Variants in ENDOV observed in about 807,000 individuals in gnomAD.
ENDOV encodes the protein endonuclease V, also known as hEndoV.
In ENDOV, 37 loss-of-function variants were observed where a neutral mutation model predicts 39.4. That is an observed-to-expected ratio of 0.94 (90% CI 0.72 to 1.23). The LOEUF (loss-of-function observed/expected upper bound fraction) is 1.23, where lower values mean the gene tolerates loss of function less well. ENDOV is among the 50% of genes most tolerant of loss of function. ENDOV has a pLI of 0.00. For synonymous variants in ENDOV, 186 were observed against 163.4 expected (o/e 1.14, Z -1.05); for missense variants, 441 against 375.7 (o/e 1.17, Z -1.44).
In ENDOV at chr17:80,415,797, G is replaced by A. The variant is rs543693550; in HGVS notation, c.204G>A (p.Val68=). The A allele has an allele frequency of 7.5e-6, 12 of 1,600,514 alleles. No individual in the cohort carries two copies. The East Asian group carries it at 2.7e-4, about 36-fold the overall frequency. Residue 68 remains valine, a synonymous_variant, in exon 2 of 10, where the codon GTG becomes GTA. Coordinates refer to ENST00000518137, the MANE Select transcript of ENDOV (RefSeq NM_173627.5). ...GDSVRACASL[V]VLSFPELEVV... Reference sequence around the variant, plus strand: ...GTGTCCGCGCTTGTGCTTCCCTGGTGGTGCTCAGCTTCCCTGAGCTCGAGG... The same window carrying A: ...GTGTCCGCGCTTGTGCTTCCCTGGTAGTGCTCAGCTTCCCTGAGCTCGAGG...
At chr17:80,430,627 G>C (rs2083274901) in intron 9 of ENDOV, among the ~76,000 whole-genome samples, 1 of 152,246 alleles carries the variant, frequency 6.6e-6, no homozygotes, top group South Asian at 2.1e-4. Flanking sequence ...ATCTCAGCCT[G>C]GAGGGGGCCG....
In ENDOV at chr17:80,436,430, C is replaced by G; in HGVS notation, c.*287C>G. 7.9e-7 allele frequency: 1 copy of G among 1,269,048 alleles called. No individual in the cohort carries two copies. The highest frequency in any genetic ancestry group is 3.4e-5 in the East Asian group (1 of 29,630). The allele number at this position is 1,269,048 out of a possible 1,614,324, so 78.6% of individuals were successfully genotyped here. ...TAGATTTTCAAGGATGCTCTTCATC[C>G]AGCTGAAGACGGTCCCTTCTAGTCC... On this transcript the variant is annotated 3_prime_UTR_variant, in exon 10 of 10. Coordinates refer to ENST00000518137, the MANE Select transcript of ENDOV (RefSeq NM_173627.5).
chr17:80,416,712 CT>C (rs1568204511), intron 2 of ENDOV, among the ~76,000 whole-genome samples: 17 of 130,394 alleles, frequency 1.3e-4, no homozygotes, highest in East Asian at 2.1e-4. Context: ...CCCTCCCTCC[CT>C]TCCTTCCTTC....
intron 9 of ENDOV, among the ~76,000 whole-genome samples, chr17:80,430,715 G>C (rs972442941): frequency 1.3e-5 from 2 of 152,204 alleles, no homozygotes; most frequent in African/African-American, 4.8e-5. Context: ...CTGAGGGGTT[G>C]GGTGCCAGGC....
intron 7 of ENDOV, chr17:80,427,875 C>A: frequency 8.1e-7 from 1 of 1,241,158 alleles, no homozygotes; most frequent in South Asian, 1.3e-5. Context: ...CCCCGCCTAC[C>A]GCTGCCCCAC....
At chr17:80,415,408 C>T (rs2080952677) in intron 1 of ENDOV, 158 bp downstream of exon 1, 4 of 1,071,796 alleles carry the variant, frequency 3.7e-6, no homozygotes, top group Non-Finnish European at 5.3e-6. Context: ...GGAGGGATCT[C>T]AGGAATTGTA....
At chr17:80,430,967 C>T (rs1354944105) in intron 9 of ENDOV, among the ~76,000 whole-genome samples, 1 of 152,232 alleles carries the variant, frequency 6.6e-6, no homozygotes, top group African/African-American at 2.4e-5. Flanking sequence ...GCCCCAGCCC[C>T]TGGGCACCTT....
At chr17:80,424,286 G>A (rs2144988114) in intron 5 of ENDOV, 1 of 399,406 alleles carries the variant, frequency 2.5e-6, no homozygotes, top group East Asian at 3.6e-5. Flanking sequence ...TTGAGTTGAT[G>A]GGGACCTTAG....
chr17:80,415,938 T>G, intron 2 of ENDOV, 117 bp downstream of exon 2: 1 of 1,344,880 alleles, frequency 7.4e-7, no homozygotes, highest in Non-Finnish European at 1.0e-6. Flanking sequence ...TAGGATGTCA[T>G]TAATAGTCTG....
chr17:80,430,125 G>A (rs1371782021), intron 9 of ENDOV: 1 of 1,529,466 alleles, frequency 6.5e-7, no homozygotes, highest in South Asian at 1.2e-5. Flanking sequence ...GTGGGGCAGA[G>A]GTGACCACGG....
In ENDOV at chr17:80,415,824, A is replaced by G. The variant is rs1223905303; in HGVS notation, c.228+3A>G. 6.3e-7 allele frequency: 1 copy of G among 1,589,880 alleles called. No homozygotes were observed. Among genetic ancestry groups the G allele is most frequent in the Non-Finnish European group, 8.6e-7 (1 of 1,168,426 alleles). On this transcript the variant is annotated splice_donor_region_variant and intron_variant, in intron 2 of 9. Transcript: ENST00000518137. ...TGCTCAGCTTCCCTGAGCTCGAGGT[A>G]ACCTGGGAGGACGCCGAGCTCGAGG...
chr17:80,426,767 G>A (rs563333894), intron 7 of ENDOV, among the ~76,000 whole-genome samples: 7 of 152,376 alleles, frequency 4.6e-5, no homozygotes, highest in Non-Finnish European at 8.8e-5. Context: ...GGTTTCAGAC[G>A]TCACCCACAG....
chr17:80,424,410 A>G (rs2082430200), intron 5 of ENDOV: 1 of 399,214 alleles, frequency 2.5e-6, no homozygotes. Context: ...AGCACCCATC[A>G]CTGGGCAGTG....
intron 9 of ENDOV, among the ~76,000 whole-genome samples, chr17:80,430,564 C>G (rs948523042): frequency 1.3e-5 from 2 of 152,178 alleles, no homozygotes; most frequent in Admixed American, 6.5e-5. Flanking sequence ...GACCCCTGAC[C>G]CCAGTCCTGG....
intron 9 of ENDOV, chr17:80,433,266 G>T (rs1262908590): frequency 3.9e-6 from 2 of 517,606 alleles, no homozygotes; most frequent in East Asian, 1.1e-4. Context: ...TGTGGTGGGG[G>T]ATATTCCACC....
At chr17:80,420,740 G>A (rs908239808) in intron 2 of ENDOV, among the ~76,000 whole-genome samples, 6 of 152,236 alleles carry the variant, frequency 3.9e-5, no homozygotes, top group African/African-American at 1.4e-4. Flanking sequence ...GGCCTGCCAT[G>A]TTGTGCTCTA....
chr17:80,421,795 G>A (rs375116772), intron 2 of ENDOV, 33 bp from the exon 3 acceptor site: 11 of 1,574,464 alleles, frequency 7.0e-6, no homozygotes, highest in African/African-American at 5.4e-5. Context: ...GCCGAAGGCT[G>A]TGCTTCCCAC....
At chr17:80,424,071 C>G in intron 5 of ENDOV, 1 of 398,444 alleles carries the variant, frequency 2.5e-6, no homozygotes. Context: ...GAGCTGCCAC[C>G]CACACTCTTC....
Position 80,421,748 on chromosome 17 carries a change from G to A in ENDOV, c.229-80G>A, listed in dbSNP as rs1051305694. 6 of 1,515,934 alleles carry A rather than the reference G, an allele frequency of 4.0e-6. No homozygotes were observed. The African/African-American group carries it at 6.9e-5, about 17-fold the overall frequency. 93.9% of individuals were successfully genotyped at this position (1,515,934 alleles called of 1,614,324 possible). The stretch of plus-strand genomic sequence containing the variant: ...ACGTAAGGGAGAGGGAAGGATGAGG[G>A]GGGCAGGGCATGGACGGACTGGGGA... On this transcript the variant is annotated intron_variant, in intron 2 of 9. Coordinates refer to ENST00000518137, the MANE Select transcript of ENDOV (RefSeq NM_173627.5).
Sources: gnomAD v4.1 joint callset for allele counts (sites outside exome capture counted in the v4.1 genomes callset) on GRCh38, gnomAD v4.1.1 for gene constraint, MANE v1.5 for transcripts, NCBI Gene and HGNC (gene_info 2026-07-23, HGNC 2026-07-21) for gene names.